The following AHI1 variants were observed in gnomAD, a reference collection of about 807,000 sequenced individuals.
The protein encoded by AHI1 is Abelson helper integration site 1, also known as jouberin.
In AHI1, 123 loss-of-function variants were observed where a neutral mutation model predicts 149.3. That is an observed-to-expected ratio of 0.82 (90% CI 0.71 to 0.96). The LOEUF (loss-of-function observed/expected upper bound fraction) is 0.96, where lower values mean the gene tolerates loss of function less well. Ranked by LOEUF, AHI1 falls within the 40% of genes least tolerant of loss-of-function variation. AHI1 has a pLI of 0.00. For missense variants in AHI1, 1,439 were observed against 1,422.7 expected, an observed-to-expected ratio of 1.01 and a Z score of -0.18; for synonymous variants, 475 against 459.8, an observed-to-expected ratio of 1.03 and a Z score of -0.42.
intron 11 of AHI1, among the ~76,000 whole-genome samples, chr6:135,451,007 T>C (rs961868994): frequency 2.0e-5 from 3 of 151,378 alleles, no homozygotes; most frequent in Non-Finnish European, 3.0e-5. Context: ...CCACTTCCCT[T>C]TTTTTTTGAG....
intron 13 of AHI1, among the ~76,000 whole-genome samples, chr6:135,445,883 C>T (rs2128053512): frequency 6.6e-6 from 1 of 152,084 alleles, no homozygotes; most frequent in South Asian, 2.1e-4. Flanking sequence ...GGTGAAACCC[C>T]ATCTCTACTA....
intron 26 of AHI1, chr6:135,301,935 C>T (rs1374792151): frequency 1.0e-6 from 1 of 985,226 alleles, no homozygotes; most frequent in African/African-American, 1.7e-5. Context: ...CTGTTTCTTT[C>T]CAGACTTGTG....
chr6:135,368,366 A>G (rs1395594891), intron 23 of AHI1, among the ~76,000 whole-genome samples: 2 of 152,082 alleles, frequency 1.3e-5, no homozygotes, highest in Admixed American at 1.3e-4. Context: ...GCTGTGGTAG[A>G]ATAGGGAGGG....
At chr6:135,461,613 C>A (rs151175147) in intron 8 of AHI1, among the ~76,000 whole-genome samples, 1 of 151,980 alleles carries the variant, frequency 6.6e-6, no homozygotes, top group African/African-American at 2.4e-5. Context: ...TTACCAAATA[C>A]GTGACTGCAA....
At chr6:135,439,259 C>T (rs1240037491) in intron 14 of AHI1, among the ~76,000 whole-genome samples, 1 of 152,160 alleles carries the variant, frequency 6.6e-6, no homozygotes, top group Admixed American at 6.5e-5. Flanking sequence ...TAAATAATTC[C>T]TAAGTTTTAA....
chr6:135,364,737 C>G (rs544536633), intron 23 of AHI1, among the ~76,000 whole-genome samples: 1 of 152,274 alleles, frequency 6.6e-6, no homozygotes, highest in East Asian at 1.9e-4. Context: ...CAAAAAAATA[C>G]GAAAACCAGT....
intron 22 of AHI1, among the ~76,000 whole-genome samples, chr6:135,400,877 C>G (rs532932798): frequency 4.6e-5 from 7 of 152,126 alleles, no homozygotes; most frequent in Non-Finnish European, 1.0e-4. Flanking sequence ...TCTCCTCCAG[C>G]CTGTTTTTTT....
chr6:135,414,399 A>T (rs1782043213), intron 20 of AHI1, among the ~76,000 whole-genome samples: 1 of 152,238 alleles, frequency 6.6e-6, no homozygotes, highest in South Asian at 2.1e-4. Context: ...AAGATTTCTT[A>T]GACACAACAC....
intron 11 of AHI1, among the ~76,000 whole-genome samples, chr6:135,449,065 T>G (rs181897391): frequency 7.9e-4 from 120 of 152,252 alleles, no homozygotes; most frequent in Non-Finnish European, 1.4e-3. Flanking sequence ...TCTCTTTTTT[T>G]GGGCAGAATC....
chr6:135,302,495 G>C (rs1163055153), intron 26 of AHI1: 1 of 1,013,588 alleles, frequency 9.9e-7, no homozygotes, highest in Non-Finnish European at 1.2e-6. Flanking sequence ...GTTTGTCTTA[G>C]GTATGTTAAA....
intron 24 of AHI1, among the ~76,000 whole-genome samples, chr6:135,343,858 T>C (rs1562540059): frequency 6.6e-6 from 1 of 151,900 alleles, no homozygotes; most frequent in Non-Finnish European, 1.5e-5. Flanking sequence ...AGATATAACA[T>C]CATAGGTATA....
chr6:135,462,583 T>A (rs1790077951), intron 8 of AHI1, among the ~76,000 whole-genome samples: 1 of 152,166 alleles, frequency 6.6e-6, no homozygotes, highest in East Asian at 1.9e-4. Flanking sequence ...AGTATCATTT[T>A]AGAGTTGAAT....
intron 20 of AHI1, among the ~76,000 whole-genome samples, chr6:135,423,926 G>A (rs575708885): frequency 9.2e-5 from 14 of 151,462 alleles, no homozygotes; most frequent in African/African-American, 3.4e-4. Context: ...TGACTCCACT[G>A]ACTTGACTCC....
In AHI1 at chr6:135,482,894, C is replaced by CTTTTTTTTTTTTTTTTTTTTTTTTTTTTT; in HGVS notation, c.135+7728_135+7729insAAAAAAAAAAAAAAAAAAAAAAAAAAAAA. 9.3e-4 allele frequency among the ~76,000 whole-genome samples: 52 copies of CTTTTTTTTTTTTTTTTTTTTTTTTTTTTT among 55,734 alleles called. 21 individuals carry two copies. The highest frequency in any genetic ancestry group is 3.0e-3 in the African/African-American group (32 of 10,788). The allele number at this position is 55,734 out of a possible 152,430, so 36.6% of individuals were successfully genotyped here. ...TTCAACCAGTATAATCCATTTAAGG[C>CTTTTTTTTTTTTTTTTTTTTTTTTTTTTT]TTTTTTTTTTTTTTTGAGACAGAGT... On this transcript the variant is annotated intron_variant, in intron 5 of 28. Coordinates refer to ENST00000265602, the MANE Select transcript of AHI1 (RefSeq NM_001134831.2).
intron 24 of AHI1, among the ~76,000 whole-genome samples, chr6:135,349,498 A>G (rs1454555540): frequency 6.6e-6 from 1 of 152,172 alleles, no homozygotes; most frequent in African/African-American, 2.4e-5. Flanking sequence ...CACTGAGTTT[A>G]TGAAGGTGGA....
intron 27 of AHI1, among the ~76,000 whole-genome samples, chr6:135,298,964 A>G (rs1256963038): frequency 1.3e-5 from 2 of 152,142 alleles, no homozygotes; most frequent in African/African-American, 4.8e-5. Context: ...CACTGTTCCC[A>G]TGATGTGTTA....
chr6:135,325,129 C>T (rs927774710), intron 24 of AHI1, among the ~76,000 whole-genome samples: 1 of 151,680 alleles, frequency 6.6e-6, no homozygotes, highest in South Asian at 2.1e-4. Context: ...CGGGTTCAAG[C>T]GATTCTCCTG....
chr6:135,400,188 C>A (rs1022349941), intron 22 of AHI1, among the ~76,000 whole-genome samples: 10 of 152,160 alleles, frequency 6.6e-5, no homozygotes, highest in African/African-American at 2.4e-4. Flanking sequence ...TTTAAAAAAA[C>A]CTTTCCAAAT....
At chr6:135,492,106 A>G (rs1446201647) in intron 4 of AHI1, 122 bp downstream of exon 4, 12 of 615,074 alleles carry the variant, frequency 2.0e-5, no homozygotes, top group Non-Finnish European at 2.9e-5. Flanking sequence ...TAAATGTAGT[A>G]TATTTGGTCA....
Sources: allele counts gnomAD v4.1 joint callset (sites outside exome capture counted in the v4.1 genomes callset), GRCh38; gene constraint gnomAD v4.1.1; transcripts MANE v1.5; gene names NCBI Gene and HGNC (gene_info 2026-07-23, HGNC 2026-07-21).